Variants in SP140 observed in about 807,000 individuals in gnomAD.
SP140 encodes the protein nuclear body protein SP140.
A neutral mutation model predicts 125.0 loss-of-function variants in SP140; 81 were observed. The ratio of observed to expected loss-of-function variants is 0.65; its 90% CI spans 0.54 to 0.78. The LOEUF (loss-of-function observed/expected upper bound fraction) is 0.78, where lower values mean the gene tolerates loss of function less well. Among genes scored for constraint, SP140 ranks in the 30% least tolerant of loss-of-function variants. The probability of loss-of-function intolerance (pLI) is 0.00; values close to 1 mark genes in which losing one functional copy is unlikely to be tolerated. For synonymous variants in SP140, 312 were observed against 354.0 expected (o/e 0.88, Z 1.33); for missense variants, 858 against 1,037.0 (o/e 0.83, Z 2.37).
chr2:230,246,053 C>A, intron 7 of SP140, 113 bp downstream of exon 7: 1 of 659,102 alleles, frequency 1.5e-6, no homozygotes, highest in Non-Finnish European at 2.8e-6. Flanking sequence ...ATATATCCAT[C>A]CATCCATCCA....
the SP140 span, among the ~76,000 whole-genome samples, chr2:230,188,447 T>C: frequency 6.6e-6 from 1 of 152,024 alleles, no homozygotes; most frequent in East Asian, 1.9e-4. Context: ...AGTGATACTT[T>C]GATTTCTTTT....
At chr2:230,271,781 A>G (rs1410867118) in intron 15 of SP140, among the ~76,000 whole-genome samples, 2 of 152,214 alleles carry the variant, frequency 1.3e-5, no homozygotes, top group African/African-American at 4.8e-5. Context: ...AAAACATGAT[A>G]AAATGAGGAG....
chr2:230,284,310 C>T (rs1413078145), intron 15 of SP140, 36 bp from the exon 16 acceptor site: 4 of 1,550,108 alleles, frequency 2.6e-6, no homozygotes, highest in Non-Finnish European at 3.5e-6. Context: ...ATATTTATAC[C>T]TCTGCATAAT....
intron 18 of SP140, 27 bp from the exon 19 acceptor site, chr2:230,290,433 A>C: frequency 1.9e-6 from 3 of 1,608,206 alleles, no homozygotes; most frequent in Non-Finnish European, 2.6e-6. Flanking sequence ...GCAAAGTGAG[A>C]CAGAATGAAG....
At chr2:230,300,983 A>T (rs2058229999) in intron 22 of SP140, among the ~76,000 whole-genome samples, 1 of 152,238 alleles carries the variant, frequency 6.6e-6, no homozygotes, top group African/African-American at 2.4e-5. Flanking sequence ...GAAGTGAAAG[A>T]CATACTTAGA....
chr2:230,244,040 A>G (rs983352119), intron 5 of SP140, among the ~76,000 whole-genome samples: 1 of 152,218 alleles, frequency 6.6e-6, no homozygotes, highest in African/African-American at 2.4e-5. Context: ...ACTTGATTAT[A>G]CCTACCCACC....
intron 22 of SP140, among the ~76,000 whole-genome samples, chr2:230,301,343 G>A (rs1486209460): frequency 6.6e-6 from 1 of 152,174 alleles, no homozygotes; most frequent in South Asian, 2.1e-4. Flanking sequence ...GAGTCATCAG[G>A]TTATCTAAAG....
At chr2:230,255,041 G>A (rs2050934225) in intron 11 of SP140, among the ~76,000 whole-genome samples, 2 of 152,178 alleles carry the variant, frequency 1.3e-5, no homozygotes, top group African/African-American at 4.8e-5. Flanking sequence ...AAATAAACAA[G>A]ATGGGGAAAG....
chr2:230,294,177 C>A, intron 20 of SP140, 94 bp from the exon 21 acceptor site: 1 of 971,412 alleles, frequency 1.0e-6, no homozygotes, highest in Non-Finnish European at 1.6e-6. Context: ...CAGTGGAACA[C>A]TCAGGTAGAA....
At chr2:230,230,439 C>T (rs1470467753) in intron 1 of SP140, 1 of 152,144 alleles carries the variant, frequency 6.6e-6, no homozygotes, top group Non-Finnish European at 1.5e-5. Context: ...CATGTGACCT[C>T]CAGCTACATG....
intron 4 of SP140, among the ~76,000 whole-genome samples, chr2:230,242,207 G>T (rs2048822139): frequency 6.6e-6 from 1 of 152,026 alleles, no homozygotes; most frequent in Non-Finnish European, 1.5e-5. Context: ...CCAAGAAATG[G>T]GGAAAGTAGA....
At chr2:230,220,012 G>T in intron 3 of SP140, 7 of 985,640 alleles carry the variant, frequency 7.1e-6, no homozygotes, top group Non-Finnish European at 8.4e-6. Context: ...AAGGGGCCGG[G>T]CTTCCGAGAA....
intron 3 of SP140, chr2:230,215,030 G>A (rs2044951532): frequency 2.5e-6 from 4 of 1,613,370 alleles, no homozygotes; most frequent in African/African-American, 1.3e-5. Context: ...CACCAGAAGA[G>A]ACAGGTTAAA....
intron 9 of SP140, among the ~76,000 whole-genome samples, chr2:230,250,163 T>C (rs1323746159): frequency 6.6e-6 from 1 of 152,250 alleles, no homozygotes; most frequent in Non-Finnish European, 1.5e-5. Flanking sequence ...TTTGCTCTTC[T>C]ACTCATCAGA....
intron 6 of SP140, 112 bp from the exon 7 acceptor site, chr2:230,245,751 A>G (rs1207559511): frequency 1.5e-6 from 1 of 677,502 alleles, no homozygotes; most frequent in Non-Finnish European, 2.6e-6. Context: ...GTGCAAAGAT[A>G]CCTTTATTCC....
rs543493054 is a variant in SP140, at chr2:230,307,184, G to A, written c.2059-2740G>A. Among the ~76,000 whole-genome samples the A allele has an allele frequency of 3.3e-5, 5 of 152,314 alleles. No homozygotes were observed. In the South Asian group the frequency reaches 1.0e-3, roughly 32 times the overall value. On this transcript the variant is annotated intron_variant, in intron 22 of 26. Coordinates refer to ENST00000392045, the MANE Select transcript of SP140 (RefSeq NM_007237.5). The stretch of plus-strand genomic sequence containing the variant: ...TTTGCTGAGGGCTGAACACTCGTCA[G>A]GACACATTGGCTGCAGAAAGGAGCT...
At chr2:230,205,086 T>G (rs749866764) in intron 1 of SP140, among the ~76,000 whole-genome samples, 36 of 152,166 alleles carry the variant, frequency 2.4e-4, no homozygotes, top group Non-Finnish European at 4.7e-4. Flanking sequence ...GGACAAGATT[T>G]AAGCATGGAA....
At chr2:230,215,809 C>A (rs2045096335) in intron 3 of SP140, among the ~76,000 whole-genome samples, 1 of 152,142 alleles carries the variant, frequency 6.6e-6, no homozygotes, top group Non-Finnish European at 1.5e-5. Context: ...TTAATAAACA[C>A]AAATAAATAC....
chr2:230,274,485 A>T (rs1470508449), intron 15 of SP140, among the ~76,000 whole-genome samples: 1 of 152,296 alleles, frequency 6.6e-6, no homozygotes, highest in East Asian at 1.9e-4. Flanking sequence ...GAATGTGGGC[A>T]GCCTTCCGAA....
Sources: gnomAD v4.1 joint callset for allele counts (sites outside exome capture counted in the v4.1 genomes callset) on GRCh38, gnomAD v4.1.1 for gene constraint, MANE v1.5 for transcripts, NCBI Gene and HGNC (gene_info 2026-07-23, HGNC 2026-07-21) for gene names.